Variants in TRPM1 observed in about 807,000 individuals in gnomAD.
The protein encoded by TRPM1 is transient receptor potential cation channel subfamily M member 1, also known as TRPM1-203 APA Isoform, Intron 10.
Under a neutral mutation model 149.4 loss-of-function variants are expected in TRPM1, and 113 were observed. The observed-to-expected ratio is 0.76, with a 90% CI of 0.65 to 0.88. The LOEUF (loss-of-function observed/expected upper bound fraction) is 0.88. TRPM1 is among the 40% of genes least tolerant of loss of function. The pLI is 0.00. For missense variants in TRPM1, 1,976 were observed against 2,038.7 expected (o/e 0.97, Z 0.59); for synonymous variants, 741 against 759.5 (o/e 0.98, Z 0.40).
chr15:31,042,652 T>C (rs2033658114), intron 16 of TRPM1, among the ~76,000 whole-genome samples: 1 of 152,242 alleles, frequency 6.6e-6, no homozygotes, highest in Admixed American at 6.5e-5. Context: ...TAACACTCGT[T>C]TGCCAGACGT....
intron 1 of TRPM1, among the ~76,000 whole-genome samples, chr15:31,151,971 G>A (rs1378504490): frequency 1.3e-5 from 2 of 152,228 alleles, no homozygotes; most frequent in East Asian, 1.9e-4. Context: ...ACGAGGTACT[G>A]GACTTGGACC....
At chr15:31,086,511 T>A (rs1461673556) in intron 1 of TRPM1, among the ~76,000 whole-genome samples, 1 of 152,202 alleles carries the variant, frequency 6.6e-6, no homozygotes, top group Non-Finnish European at 1.5e-5. Flanking sequence ...CGAGGGGTGG[T>A]GACCAGGGAC....
intron 1 of TRPM1, among the ~76,000 whole-genome samples, chr15:31,085,718 A>G (rs2034981114): frequency 6.6e-6 from 1 of 152,204 alleles, no homozygotes; most frequent in Admixed American, 6.5e-5. Flanking sequence ...GTTACTAGTT[A>G]GCCCTGACCT....
At chr15:31,116,918 A>C (rs1434540924) in intron 1 of TRPM1, among the ~76,000 whole-genome samples, 2 of 152,248 alleles carry the variant, frequency 1.3e-5, no homozygotes, top group Non-Finnish European at 2.9e-5. Flanking sequence ...TCTGGCTTTC[A>C]ATAAAATAAT....
At chr15:31,003,118 A>G in intron 27 of TRPM1, 48 bp from the exon 28 acceptor site, 1 of 1,512,910 alleles carries the variant, frequency 6.6e-7, no homozygotes, top group Non-Finnish European at 9.0e-7. Context: ...TTAAGTGGAT[A>G]TTAAAAATCA....
rs1567037624 is a variant in TRPM1 at position 31,076,908 on chromosome 15, T to G, written c.80A>C (p.Asn27Thr). ...TTAATCGTGGATTTCAATTTACCTG[T>G]TAGAGTCTTTCATGCTAGGAATTAC... is the stretch of plus-strand genomic sequence containing the variant. Reference protein sequence around the residue: ...IFVIPSMKDSNRCCCGQFTNQ... With the variant: ...IFVIPSMKDSTRCCCGQFTNQ... Residue 27 changes from asparagine to threonine, a missense_variant, in exon 3 of 28, where the codon AAC (asparagine) becomes ACC (threonine). Asn to Thr is a moderately conservative substitution (Grantham distance 65). Coordinates refer to ENST00000256552, the MANE Select transcript of TRPM1 (RefSeq NM_001252024.2). The G allele has an allele frequency of 1.1e-5, 17 of 1,600,728 alleles. No individual in the cohort carries two copies. Among genetic ancestry groups the G allele is most frequent in the Non-Finnish European group, 1.4e-5 (16 of 1,168,064 alleles).
chr15:31,118,886 A>T (rs185809745), intron 1 of TRPM1, among the ~76,000 whole-genome samples: 1 of 143,230 alleles, frequency 7.0e-6, no homozygotes, highest in East Asian at 1.9e-4. Flanking sequence ...TTAGGGTTTC[A>T]ACACATGAAT....
chr15:31,048,070 C>G, intron 13 of TRPM1, 131 bp from the exon 14 acceptor site: 1 of 786,042 alleles, frequency 1.3e-6, no homozygotes, highest in South Asian at 1.3e-5. Context: ...TGAGGCCAGC[C>G]TGGCCAACAT....
At chr15:31,084,031 C>T (rs775956888) in intron 1 of TRPM1, among the ~76,000 whole-genome samples, 55 of 152,234 alleles carry the variant, frequency 3.6e-4, no homozygotes, top group Middle Eastern at 3.4e-3. Flanking sequence ...TCGTCACAGC[C>T]GACCCCTCTC....
intron 1 of TRPM1, among the ~76,000 whole-genome samples, chr15:31,088,972 C>T (rs1254944244): frequency 6.6e-6 from 1 of 152,186 alleles, no homozygotes; most frequent in Non-Finnish European, 1.5e-5. Context: ...GGGCTCCCAG[C>T]ACTTTCTTGG....
intron 1 of TRPM1, among the ~76,000 whole-genome samples, chr15:31,128,774 G>A (rs1192605500): frequency 6.6e-6 from 1 of 152,244 alleles, no homozygotes; most frequent in Non-Finnish European, 1.5e-5. Context: ...ATGGGGCCCT[G>A]CCATCAGAAA....
At chr15:31,080,948 T>G (rs1015249274) in intron 2 of TRPM1, among the ~76,000 whole-genome samples, 3 of 152,082 alleles carry the variant, frequency 2.0e-5, no homozygotes, top group African/African-American at 7.2e-5. Flanking sequence ...CAGGACTTAA[T>G]GCCACCGGCG....
intron 3 of TRPM1, among the ~76,000 whole-genome samples, chr15:31,071,384 T>C (rs2034533178): frequency 6.6e-6 from 1 of 152,108 alleles, no homozygotes; most frequent in Admixed American, 6.5e-5. Flanking sequence ...AGGATGTCTT[T>C]ACTGGGCTAG....
chr15:31,065,963 CA>C (rs1347005783), intron 7 of TRPM1, 112 bp downstream of exon 7: 13 of 1,341,688 alleles, frequency 9.7e-6, no homozygotes, highest in Non-Finnish European at 1.3e-5. Flanking sequence ...GTTGACCTAA[CA>C]AGAAGCAAGG....
Position 31,040,118 on chromosome 15 carries a change from C to A in TRPM1, c.2316G>T (p.Lys772Asn), listed in dbSNP as rs779743027. ...CCGCCTCGCAGCACGTTGCACGCAC[C>A]TTCAGGCCGGGGTTCTTCCGCATCC... Reference protein sequence around the residue: ...RLRMRKNPGLKVIMGILLPPT... With the variant: ...RLRMRKNPGLNVIMGILLPPT... Residue 772 changes from lysine to asparagine, a missense_variant and splice_region_variant, in exon 18 of 28, where the codon AAG becomes AAT. Lys to Asn is a moderately conservative substitution (Grantham distance 94, BLOSUM62 0). Transcript: ENST00000256552. This position sits in a 1 kb window ranked among gnomAD's most constrained non-coding sequence, Gnocchi z 4.2. 2 of 1,614,204 alleles carry A rather than the reference C, an allele frequency of 1.2e-6. No homozygotes were observed. The highest frequency in any genetic ancestry group is 1.7e-6 in the Non-Finnish European group (2 of 1,180,028).
At chr15:31,017,163 G>A (rs1001537262) in intron 27 of TRPM1, among the ~76,000 whole-genome samples, 3 of 151,954 alleles carry the variant, frequency 2.0e-5, no homozygotes, top group South Asian at 2.1e-4. Flanking sequence ...AAAATTAGCC[G>A]GACATGGTGG....
rs367698597 is a variant in TRPM1, at chr15:31,045,164, A to C, written c.1794+1040T>G. ...TTCCAGGAGCACCGTGTTAAAGGAC[A>C]GTCTTAATTGTCAACACAGAATGAA... On this transcript the variant is annotated intron_variant, in intron 16 of 27. Transcript: ENST00000256552. Among the ~76,000 whole-genome samples the C allele has an allele frequency of 3.3e-5, 5 of 152,228 alleles. No individual in the cohort carries two copies. In the East Asian group the frequency reaches 7.7e-4, roughly 23 times the overall value.
chr15:31,046,716 T>C (rs1019126617), intron 15 of TRPM1, among the ~76,000 whole-genome samples: 1 of 152,154 alleles, frequency 6.6e-6, no homozygotes, highest in Non-Finnish European at 1.5e-5. Flanking sequence ...GCTGCTGTGA[T>C]AATGAGTTTG....
chr15:31,031,187 G>C (rs779003415), intron 22 of TRPM1, 30 bp from the exon 23 acceptor site: 1 of 1,613,898 alleles, frequency 6.2e-7, no homozygotes, highest in Non-Finnish European at 8.5e-7. Context: ...GTCTCTCACT[G>C]TCTTGGCTTG....
Sources: gnomAD v4.1 joint callset for allele counts (sites outside exome capture counted in the v4.1 genomes callset) on GRCh38, gnomAD v4.1.1 for gene constraint, Gnocchi (gnomAD v3.1) non-coding constraint, MANE v1.5 for transcripts, NCBI Gene and HGNC (gene_info 2026-07-23, HGNC 2026-07-21) for gene names.